CEP250: variants seen among roughly 807,000 people sequenced by gnomAD.
CEP250 encodes centrosomal protein 250, also known as centrosome-associated protein CEP250.
In CEP250, 242 loss-of-function variants were observed where a neutral mutation model predicts 315.7. The ratio of observed to expected loss-of-function variants is 0.77; its 90% confidence interval spans 0.69 to 0.85. The LOEUF is 0.85. Among genes scored for constraint, CEP250 ranks in the 40% least tolerant of loss-of-function variants. The pLI is 0.00. For missense variants in CEP250, 2,515 were observed against 2,886.4 expected (o/e 0.87, Z 2.95); for synonymous variants, 1,088 against 1,175.0 (o/e 0.93, Z 1.51).
intron 20 of CEP250, among the ~76,000 whole-genome samples, chr20:35,487,319 A>T (rs1478702579): frequency 6.6e-6 from 1 of 151,800 alleles, no homozygotes; most frequent in Non-Finnish European, 1.5e-5. Flanking sequence ...AATACAAAAA[A>T]ATTAGCCAGG....
chr20:35,511,964 C>A lies in CEP250; in HGVS notation c.*338C>A. The A allele has an allele frequency of 9.2e-7, 1 of 1,092,404 alleles. No individual in the cohort carries two copies. The highest frequency in any genetic ancestry group is 1.1e-6 in the Non-Finnish European group (1 of 898,714). The allele number at this position is 1,092,404 out of a possible 1,614,324, so 67.7% of individuals were successfully genotyped here. On this transcript the variant is annotated 3_prime_UTR_variant, in exon 35 of 35. Coordinates refer to ENST00000397527, the MANE Select transcript of CEP250 (RefSeq NM_007186.6). The stretch of plus-strand genomic sequence containing the variant: ...CTCCTTCAACAATAAACCCTGGGAT[C>A]TTTGCATTCATTTTCTGCTGCTGTC...
intron 20 of CEP250, among the ~76,000 whole-genome samples, chr20:35,486,017 A>G (rs904119421): frequency 1.3e-5 from 2 of 150,440 alleles, no homozygotes; most frequent in African/African-American, 4.9e-5. Flanking sequence ...GCATTGGGTG[A>G]AAGATAGTGG....
rs766723321 is a variant in CEP250, at chr20:35,501,881, A to C, written c.3935A>C (p.Glu1312Ala). 51 of 1,613,358 alleles carry C rather than the reference A, an allele frequency of 3.2e-5. No homozygotes were observed. The highest frequency in any genetic ancestry group is 4.2e-5 in the Non-Finnish European group (50 of 1,179,898). Residue 1312 changes from glutamate to alanine, a missense_variant, in exon 29 of 35, where the codon GAA becomes GCA. Coordinates refer to ENST00000397527, the MANE Select transcript of CEP250 (RefSeq NM_007186.6). ...SKWEGKQNSL[E>A]SELMELHETM... ...TGGGAAGGAAAGCAGAACTCCCTAGAATCTGAGCTGATGGAACTACATGAA... is the reference window on the plus strand; with the variant it reads ...TGGGAAGGAAAGCAGAACTCCCTAGCATCTGAGCTGATGGAACTACATGAA...
chr20:35,466,038 G>A lies in CEP250; in HGVS notation c.327-1G>A, dbSNP rs6060428. On this transcript the variant is annotated splice_acceptor_variant, in intron 6 of 34. Transcript: ENST00000397527. LOFTEE classifies it high-confidence loss of function. ...CCCACTTTTACCCCTCCCCAGTGCAGGTGTGAGAGTCTAGCAGAGGTGAAC... is the reference window on the plus strand; with the variant it reads ...CCCACTTTTACCCCTCCCCAGTGCAAGTGTGAGAGTCTAGCAGAGGTGAAC... 3 of 1,614,192 alleles carry A rather than the reference G, an allele frequency of 1.9e-6. No individual in the cohort carries two copies. The highest frequency in any genetic ancestry group is 1.1e-5 in the South Asian group (1 of 91,072).
chr20:35,491,067 A>C, intron 21 of CEP250, 145 bp from the exon 22 acceptor site: 2 of 1,018,808 alleles, frequency 2.0e-6, no homozygotes, highest in Non-Finnish European at 2.9e-6. Flanking sequence ...CCTTGTTCTG[A>C]ACCCATGGGC....
In CEP250 at chr20:35,458,285, C is replaced by T. The variant is rs1202179700; in HGVS notation, c.-297-19C>T. 12 of 152,162 alleles carry T rather than the reference C, an allele frequency of 7.9e-5. No homozygotes were observed. Among genetic ancestry groups the T allele is most frequent in the Admixed American group, 7.9e-4 (12 of 15,276 alleles). The allele number at this position is 152,162 out of a possible 1,614,324, so 9.4% of individuals were successfully genotyped here. A position where few individuals can be genotyped will look rare whatever the true frequency, so the allele number is the denominator to read the frequency against. ...CAAATACATAATTTATCTCACTCTT[C>T]TGTCACTTTCCACTCCAGGTTCACA... On this transcript the variant is annotated intron_variant, in intron 1 of 34. Coordinates refer to ENST00000397527, the MANE Select transcript of CEP250 (RefSeq NM_007186.6).
At chr20:35,509,211 G>A (rs1057273671) in intron 33 of CEP250, among the ~76,000 whole-genome samples, 167 bp downstream of exon 33, 1 of 152,208 alleles carries the variant, frequency 6.6e-6, no homozygotes, top group Non-Finnish European at 1.5e-5. Flanking sequence ...TCCCTGCCCT[G>A]AGAAGGAGGC....
chr20:35,500,260 T>C (rs2063965790), intron 28 of CEP250, 91 bp downstream of exon 28: 16 of 1,472,580 alleles, frequency 1.1e-5, no homozygotes, highest in Non-Finnish European at 1.5e-5. Flanking sequence ...GCAGCCACTC[T>C]GTTTATTTTA....
chr20:35,518,389 G>A lies in CEP250; in HGVS notation c.*6763G>A, dbSNP rs551821514. 1.5e-4 allele frequency: 23 copies of A among 152,156 alleles called. No individual in the cohort carries two copies. The highest frequency in any genetic ancestry group is 5.3e-4 in the African/African-American group (22 of 41,518). The allele number at this position is 152,156 out of a possible 1,614,324, so 9.4% of individuals were successfully genotyped here. A position where few individuals can be genotyped will look rare whatever the true frequency, so the allele number is the denominator to read the frequency against. ...TGTGTGGTAGTTGAGCAGCCAAGGG[G>A]GTAGCATGCGGTGGATATTTGTTTT... On this transcript the variant is annotated 3_prime_UTR_variant, in exon 35 of 35. Coordinates refer to ENST00000397527, the MANE Select transcript of CEP250 (RefSeq NM_007186.6).
chr20:35,472,908 C>T, intron 12 of CEP250, 77 bp downstream of exon 12: 1 of 1,401,974 alleles, frequency 7.1e-7, no homozygotes, highest in Non-Finnish European at 1.0e-6. Context: ...ACCTCCCTAG[C>T]CTGGACTATC....
At chr20:35,492,203 G>GA (rs543044741) in intron 22 of CEP250, among the ~76,000 whole-genome samples, 62 of 152,216 alleles carry the variant, frequency 4.1e-4, no homozygotes, top group Admixed American at 3.6e-3. Context: ...GGTGAACCTT[G>GA]AAAACATCAG....
Position 35,515,913 on chromosome 20 carries a change from G to C in CEP250, c.*4287G>C, listed in dbSNP as rs2064431230. On this transcript the variant is annotated 3_prime_UTR_variant, in exon 35 of 35. Coordinates refer to ENST00000397527, the MANE Select transcript of CEP250 (RefSeq NM_007186.6). ...CCCTTTTACTCCCTCTACCCTGCTGGAGGTGAGGATGAGAGGTGAGACTTC... is the reference window on the plus strand; with the variant it reads ...CCCTTTTACTCCCTCTACCCTGCTGCAGGTGAGGATGAGAGGTGAGACTTC... 6.6e-6 allele frequency: 1 copy of C among 152,260 alleles called. No homozygotes were observed. Among genetic ancestry groups the C allele is most frequent in the Non-Finnish European group, 1.5e-5 (1 of 68,070 alleles). The allele number at this position is 152,260 out of a possible 1,614,324, so 9.4% of individuals were successfully genotyped here.
rs991988757 is a variant in CEP250 at position 35,503,811 on chromosome 20, G to C, written c.5442G>C (p.Gln1814His). 6.2e-7 allele frequency: 1 copy of C among 1,614,002 alleles called. No individual in the cohort carries two copies. Among genetic ancestry groups the C allele is most frequent in the Non-Finnish European group, 8.5e-7 (1 of 1,180,022 alleles). The part of the protein sequence containing the change: ...QLDEAQRALA[Q>H]RDQELEALQQ... ...ATGAGGCCCAGAGAGCCCTAGCCCA[G>C]AGGGACCAGGAACTGGAGGCTCTGC... The change falls in exon 30 of 35, where the codon CAG (glutamine) becomes CAC (histidine). Residue 1814 changes from glutamine to histidine, a missense_variant. Coordinates refer to ENST00000397527, the MANE Select transcript of CEP250 (RefSeq NM_007186.6). The surrounding 1 kb of genome is among the most constrained non-coding windows in gnomAD (Gnocchi z 4.2).
In CEP250 at chr20:35,503,041, C is replaced by G. The variant is rs757548288; in HGVS notation, c.4672C>G (p.Leu1558Val). ...AAAGCAGTTGGTTACTCTGGAATGC[C>G]TGGCCCTGGAACTGGAGGAAAACCA... is the stretch of plus-strand genomic sequence containing the variant. ...LKKQLVTLEC[L>V]ALELEENHHK... Residue 1558 changes from leucine (L) to valine (V), a missense_variant, in exon 30 of 35, where the codon CTG (leucine) becomes GTG (valine). Leu to Val is a conservative substitution (Grantham distance 32, BLOSUM62 1). Transcript: ENST00000397527. This position sits in a 1 kb window ranked among gnomAD's most constrained non-coding sequence, Gnocchi z 4.2. 1.2e-6 allele frequency: 2 copies of G among 1,614,202 alleles called. No individual in the cohort carries two copies. The highest frequency in any genetic ancestry group is 3.3e-5 in the Admixed American group (2 of 60,024).
chr20:35,501,572 C>G (rs200405374), intron 28 of CEP250, among the ~76,000 whole-genome samples: 1 of 152,074 alleles, frequency 6.6e-6, no homozygotes, highest in East Asian at 1.9e-4. Flanking sequence ...GGCCAAGGCT[C>G]TCTGTGATGA....
intron 22 of CEP250, among the ~76,000 whole-genome samples, chr20:35,491,678 A>G (rs571738757): frequency 6.6e-6 from 1 of 152,180 alleles, no homozygotes; most frequent in Admixed American, 6.5e-5. Context: ...TGAGGCGGAC[A>G]GATCAGTTGA....
Position 35,479,435 on chromosome 20 carries a change from G to A in CEP250, c.2288+11G>A. On this transcript the variant is annotated intron_variant, in intron 18 of 34. Transcript: ENST00000397527. Reference sequence around the variant, plus strand: ...ACTACAGGGGCTCAGGTAGGGCCCAGACTCAGTTCAGCCAAGCACAGAGAG... The same window carrying A: ...ACTACAGGGGCTCAGGTAGGGCCCAAACTCAGTTCAGCCAAGCACAGAGAG... The A allele has an allele frequency of 6.2e-7, 1 of 1,609,238 alleles. No individual in the cohort carries two copies. The highest frequency in any genetic ancestry group is 1.1e-5 in the South Asian group (1 of 90,678).
intron 28 of CEP250, among the ~76,000 whole-genome samples, chr20:35,500,654 G>A (rs1601287018): frequency 1.3e-5 from 2 of 152,158 alleles, no homozygotes; most frequent in African/African-American, 2.4e-5. Context: ...CAAGTGATCC[G>A]CCTGCCTCGA....
At chr20:35,509,663 C>G (rs1053433459) in intron 33 of CEP250, among the ~76,000 whole-genome samples, 1 of 152,262 alleles carries the variant, frequency 6.6e-6, no homozygotes, top group South Asian at 2.1e-4. Flanking sequence ...CCGTGTCTTC[C>G]TCTCTGCATC....
Sources: gnomAD v4.1 joint callset for allele counts (sites outside exome capture counted in the v4.1 genomes callset) on GRCh38, gnomAD v4.1.1 for gene constraint, Gnocchi (gnomAD v3.1) non-coding constraint, MANE v1.5 for transcripts, NCBI Gene and HGNC (gene_info 2026-07-23, HGNC 2026-07-21) for gene names.